The following C1QBP variants were observed in gnomAD, a reference collection of about 807,000 sequenced individuals.
The protein encoded by C1QBP is complement C1q binding protein, also known as complement component 1 Q subcomponent-binding protein, mitochondrial.
In C1QBP, 24 loss-of-function variants were observed where a neutral mutation model predicts 29.4. The ratio of observed to expected loss-of-function variants is 0.82; its 90% CI spans 0.59 to 1.15. The LOEUF (loss-of-function observed/expected upper bound fraction) is 1.15, where lower values mean the gene tolerates loss of function less well. C1QBP is among the 50% of genes most tolerant of loss of function. The probability of loss-of-function intolerance (pLI) is 0.00; values close to 1 mark genes in which losing one functional copy is unlikely to be tolerated. For synonymous variants in C1QBP, 182 were observed against 149.2 expected (o/e 1.22, Z -1.60); for missense variants, 337 against 355.8 (o/e 0.95, Z 0.43).
At chr17:5,433,267 G>A (rs781145506) in intron 5 of C1QBP, 26 bp downstream of exon 5, 26 of 1,613,742 alleles carry the variant, frequency 1.6e-5, no homozygotes, top group Non-Finnish European at 2.2e-5. Context: ...GGCCCAAAAG[G>A]TTCCCCCACC....
At chr17:5,438,702 A>G in intron 1 of C1QBP, 140 bp downstream of exon 1, 1 of 1,522,910 alleles carries the variant, frequency 6.6e-7, no homozygotes, top group Non-Finnish European at 8.8e-7. Context: ...GGGAAATATG[A>G]TCATACGTGG....
intron 2 of C1QBP, among the ~76,000 whole-genome samples, chr17:5,436,284 T>A (rs1916270090): frequency 6.6e-6 from 1 of 151,238 alleles, no homozygotes; most frequent in East Asian, 1.9e-4. Context: ...AAATGGTGTT[T>A]AGGTGAGATT....
At chr17:5,433,602 C>A in intron 4 of C1QBP, 67 bp downstream of exon 4, 1 of 1,559,372 alleles carries the variant, frequency 6.4e-7, no homozygotes, top group Non-Finnish European at 8.8e-7. Flanking sequence ...AAAATAGGGA[C>A]AGGAAGTTCC....
At chr17:5,437,321 T>A (rs1360660940) in intron 2 of C1QBP, among the ~76,000 whole-genome samples, 2 of 152,204 alleles carry the variant, frequency 1.3e-5, no homozygotes, top group Admixed American at 1.3e-4. Flanking sequence ...ATAAGGTCAA[T>A]TATGAAGGAA....
intron 2 of C1QBP, among the ~76,000 whole-genome samples, chr17:5,435,446 G>A (rs1567592061): frequency 6.6e-6 from 1 of 152,176 alleles, no homozygotes; most frequent in African/African-American, 2.4e-5. Context: ...TGCAAGGAAA[G>A]GAAGAAGCGA....
Position 5,435,060 on chromosome 17 carries a change from T to TA in C1QBP, c.384-95dup, listed in dbSNP as rs1212965120. The TA allele has an allele frequency of 2.8e-6, 3 of 1,080,184 alleles. No individual in the cohort carries two copies. In the African/African-American group the frequency reaches 4.7e-5, roughly 17 times the overall value. The allele number at this position is 1,080,184 out of a possible 1,614,324, so 66.9% of individuals were successfully genotyped here. ...CATAAACATGGAAATCTGCTACAGT[T>TA]AAAAAGGCGTATTGAAACAATGTCT... On this transcript the variant is annotated intron_variant, in intron 2 of 5. Transcript: ENST00000225698.
At chr17:5,435,651 A>C (rs2151677020) in intron 2 of C1QBP, among the ~76,000 whole-genome samples, 1 of 152,276 alleles carries the variant, frequency 6.6e-6, no homozygotes, top group East Asian at 1.9e-4. Context: ...ATCATGTTCC[A>C]AAGTTTGAGT....
chr17:5,438,558 A>G (rs1306009930), intron 1 of C1QBP: 2 of 721,674 alleles, frequency 2.8e-6, no homozygotes, highest in South Asian at 2.0e-5. Flanking sequence ...TAACTATGCT[A>G]TTTTCAACCA....
intron 2 of C1QBP, among the ~76,000 whole-genome samples, chr17:5,436,194 GCTC>G (rs1916268225): frequency 6.6e-6 from 1 of 151,178 alleles, no homozygotes; most frequent in South Asian, 2.1e-4. Flanking sequence ...ACTAAGCTGA[GCTC>G]CTGGGCACAG....
chr17:5,433,421 A>G lies in C1QBP; in HGVS notation c.577-6T>C. On this transcript the variant is annotated splice_region_variant and splice_polypyrimidine_tract_variant and intron_variant, in intron 4 of 5. Transcript: ENST00000225698. ...GCCTCGTCTTCTTGTCCAACCTGAG[A>G]AGAAACAATATTGGGAAACTGAAGG... 1 of 1,614,066 alleles carries G rather than the reference A, an allele frequency of 6.2e-7. No homozygotes were observed.
In C1QBP at chr17:5,438,898, A is replaced by G; in HGVS notation, c.176T>C (p.Leu59Pro). 6.5e-7 allele frequency: 1 copy of G among 1,540,562 alleles called. No individual in the cohort carries two copies. The highest frequency in any genetic ancestry group is 8.7e-7 in the Non-Finnish European group (1 of 1,143,230). Reference protein sequence around the residue: ...RAGSERRPGLLRPRGPCACGC... With the variant: ...RAGSERRPGLPRPRGPCACGC... ...ACAGGCGCAGGGTCCGCGAGGCCGC[A>G]GGAGGCCCGGCCGCCGCTCGGAACC... is the stretch of plus-strand genomic sequence containing the variant. The change falls in exon 1 of 6, where the codon CTG (leucine) becomes CCG (proline). Residue 59 changes from leucine (L) to proline (P), a missense_variant. Physicochemically the swap from Leu to Pro is moderately conservative, Grantham distance 98. Coordinates refer to ENST00000225698, the MANE Select transcript of C1QBP (RefSeq NM_001212.4).
intron 1 of C1QBP, 63 bp from the exon 2 acceptor site, chr17:5,438,336 C>G (rs1366079241): frequency 6.4e-7 from 1 of 1,568,102 alleles, no homozygotes. Flanking sequence ...AAAACTATTA[C>G]CCAGGTTATT....
At chr17:5,437,176 G>A (rs571936876) in intron 2 of C1QBP, among the ~76,000 whole-genome samples, 36 of 152,334 alleles carry the variant, frequency 2.4e-4, no homozygotes, top group African/African-American at 8.7e-4. Context: ...CTAGAATTAG[G>A]TAGTGATAAC....
chr17:5,434,841 T>C (rs774686526), intron 3 of C1QBP, 32 bp downstream of exon 3: 1 of 1,574,218 alleles, frequency 6.4e-7, no homozygotes, highest in African/African-American at 1.3e-5. Context: ...CTGTCAGAAC[T>C]GAGGTAAAAG....
chr17:5,438,383 T>C, intron 1 of C1QBP, 110 bp from the exon 2 acceptor site: 1 of 1,300,784 alleles, frequency 7.7e-7, no homozygotes, highest in Non-Finnish European at 1.0e-6. Flanking sequence ...ATCTCTCTGC[T>C]ATTACGGTTA....
At position 5,432,985 on chromosome 17, in the gene C1QBP, T is replaced by C. The variant is rs1177564152; in HGVS notation, c.*30A>G. The C allele has an allele frequency of 6.3e-7, 1 of 1,595,338 alleles. No individual in the cohort carries two copies. On this transcript the variant is annotated 3_prime_UTR_variant, in exon 6 of 6. Coordinates refer to ENST00000225698, the MANE Select transcript of C1QBP (RefSeq NM_001212.4). ...TTTGTTCACTGGCCAAAGCCTGCCATGAAACTATGGCTTTCAGCATCTGTC... is the reference window on the plus strand; with the variant it reads ...TTTGTTCACTGGCCAAAGCCTGCCACGAAACTATGGCTTTCAGCATCTGTC...
chr17:5,433,869 A>G (rs1916182268), intron 3 of C1QBP, 102 bp from the exon 4 acceptor site: 2 of 995,202 alleles, frequency 2.0e-6, no homozygotes, highest in East Asian at 4.7e-5. Flanking sequence ...CTATTAGGAT[A>G]TTATGTAGCC....
rs1292356481 is a variant in C1QBP at position 5,432,912 on chromosome 17, A to G, written c.*103T>C. 1.5e-5 allele frequency: 20 copies of G among 1,354,576 alleles called. No individual in the cohort carries two copies. The highest frequency in any genetic ancestry group is 4.4e-5 in the African/African-American group (3 of 68,178). 83.9% of individuals were successfully genotyped at this position (1,354,576 alleles called of 1,614,324 possible). ...AATTTGGTATTTTTTCCCCCATGATATTAGGATGATAATCATTTCAAAGCA... is the reference window on the plus strand; with the variant it reads ...AATTTGGTATTTTTTCCCCCATGATGTTAGGATGATAATCATTTCAAAGCA... On this transcript the variant is annotated 3_prime_UTR_variant, in exon 6 of 6. Coordinates refer to ENST00000225698, the MANE Select transcript of C1QBP (RefSeq NM_001212.4).
chr17:5,436,307 A>G (rs762009556), intron 2 of C1QBP, among the ~76,000 whole-genome samples: 1 of 151,412 alleles, frequency 6.6e-6, no homozygotes, highest in Non-Finnish European at 1.5e-5. Context: ...AGAAGACACA[A>G]TTGACCTGTG....
Sources: allele counts gnomAD v4.1 joint callset (sites outside exome capture counted in the v4.1 genomes callset), GRCh38; gene constraint gnomAD v4.1.1; transcripts MANE v1.5; gene names NCBI Gene and HGNC (gene_info 2026-07-23, HGNC 2026-07-21).